GREB1: variants seen among roughly 807,000 people sequenced by gnomAD.
GREB1 encodes the protein growth regulating estrogen receptor binding 1.
In GREB1, 106 loss-of-function variants were observed where a neutral mutation model predicts 200.7. That is an observed-to-expected ratio of 0.53 (90% CI 0.45 to 0.62). The LOEUF (loss-of-function observed/expected upper bound fraction) is 0.62. Ranked by LOEUF, GREB1 falls within the 20% of genes least tolerant of loss-of-function variation. The probability of loss-of-function intolerance (pLI) is 0.00; values close to 1 mark genes in which losing one functional copy is unlikely to be tolerated. For synonymous variants in GREB1, 1,132 were observed against 1,092.4 expected, an observed-to-expected ratio of 1.04 and a Z score of -0.72; for missense variants, 2,243 against 2,556.8, an observed-to-expected ratio of 0.88 and a Z score of 2.65.
chr2:11,599,558 C>T (rs1247914091), intron 15 of GREB1, among the ~76,000 whole-genome samples: 6 of 143,160 alleles, frequency 4.2e-5, no homozygotes, highest in Admixed American at 7.0e-5. Context: ...CTCTCTCTGT[C>T]GCCCAGGCTT....
rs1679342405 is a variant in GREB1 at position 11,580,342 on chromosome 2, C to G, written c.773-362C>G. 2.6e-5 allele frequency among the ~76,000 whole-genome samples: 4 copies of G among 152,170 alleles called. No homozygotes were observed. The highest frequency in any genetic ancestry group is 2.6e-4 in the Admixed American group (4 of 15,274). ...GAATTCAGGAAGTCCCCCGGTCCTT[C>G]TTTAACTCAGGCTGTGTGTCCAATG... On this transcript the variant is annotated intron_variant, in intron 6 of 32. Transcript: ENST00000381486. The surrounding 1 kb of genome is among the most constrained non-coding windows in gnomAD (Gnocchi z 4.5).
At chr2:11,513,280 GCGT>G (rs1188545177) in intron 1 of GREB1, among the ~76,000 whole-genome samples, 1 of 152,150 alleles carries the variant, frequency 6.6e-6, no homozygotes, top group Non-Finnish European at 1.5e-5. Context: ...AGGCGGGTGG[GCGT>G]CTCTCCCTTG....
chr2:11,592,707 C>A, intron 10 of GREB1, 69 bp from the exon 11 acceptor site: 1 of 1,037,814 alleles, frequency 9.6e-7, no homozygotes, highest in Non-Finnish European at 1.3e-6. Context: ...ACTTTCACAT[C>A]ACTGCACCCG....
chr2:11,550,797 T>G (rs1675741284), intron 1 of GREB1, among the ~76,000 whole-genome samples: 1 of 152,232 alleles, frequency 6.6e-6, no homozygotes, highest in Non-Finnish European at 1.5e-5. Flanking sequence ...CTTTGGGTCC[T>G]TATACCTGCA....
intron 5 of GREB1, among the ~76,000 whole-genome samples, chr2:11,577,540 CCA>C (rs1457160256): frequency 6.6e-6 from 1 of 152,238 alleles, no homozygotes; most frequent in Non-Finnish European, 1.5e-5. Flanking sequence ...CCCTTCATGG[CCA>C]CAGTCAGCAA....
intron 2 of GREB1, 50 bp downstream of exon 2, chr2:11,556,821 G>C (rs1408303765): frequency 7.1e-7 from 1 of 1,399,862 alleles, no homozygotes. Context: ...ATTGTGCGCA[G>C]TTAATGTTAG....
intron 19 of GREB1, among the ~76,000 whole-genome samples, chr2:11,613,422 A>G (rs1683113252): frequency 6.6e-6 from 1 of 152,074 alleles, no homozygotes; most frequent in Admixed American, 6.5e-5. Flanking sequence ...GTTTTATTTC[A>G]TTTTACTCTC....
Position 11,578,289 on chromosome 2 carries a change from C to G in GREB1, c.638-8C>G. Reference sequence around the variant, plus strand: ...GTTGGTTTTCACGTGTGCACCTTGCCCCCTTAGAGTTTAGAAGCCGGCAGA... The same window carrying G: ...GTTGGTTTTCACGTGTGCACCTTGCGCCCTTAGAGTTTAGAAGCCGGCAGA... On this transcript the variant is annotated splice_polypyrimidine_tract_variant and splice_region_variant and intron_variant, in intron 5 of 32. Transcript: ENST00000381486. 1 of 1,608,768 alleles carries G rather than the reference C, an allele frequency of 6.2e-7. No individual in the cohort carries two copies. Among genetic ancestry groups the G allele is most frequent in the Non-Finnish European group, 8.5e-7 (1 of 1,175,852 alleles).
chr2:11,491,180 C>T (rs908277947), intron 1 of GREB1, among the ~76,000 whole-genome samples: 22 of 152,184 alleles, frequency 1.4e-4, no homozygotes, highest in Admixed American at 3.3e-4. Context: ...TTCCTACTTA[C>T]ATTATATTCT....
intron 2 of GREB1, among the ~76,000 whole-genome samples, chr2:11,557,977 C>T (rs1359952225): frequency 1.3e-5 from 2 of 152,156 alleles, no homozygotes; most frequent in Non-Finnish European, 2.9e-5. Flanking sequence ...CCTGGTCATC[C>T]TCTACATCTA....
chr2:11,631,825 G>A, intron 26 of GREB1, 84 bp from the exon 27 acceptor site: 1 of 1,061,772 alleles, frequency 9.4e-7, no homozygotes, highest in Non-Finnish European at 1.4e-6. Context: ...TTCTTTGACG[G>A]AAAATACTGC....
At chr2:11,630,130 T>TCA in intron 26 of GREB1, 21 bp downstream of exon 26, 1 of 1,613,340 alleles carries the variant, frequency 6.2e-7, no homozygotes, top group East Asian at 2.2e-5. Context: ...AGAGACCTAG[T>TCA]GGGACAGATC....
Position 11,629,229 on chromosome 2 carries a change from C to T in GREB1, c.4450-719C>T, listed in dbSNP as rs1373391471. On this transcript the variant is annotated intron_variant, in intron 25 of 32. Transcript: ENST00000381486. The surrounding 1 kb of genome is among the most constrained non-coding windows in gnomAD (Gnocchi z 5.2). ...AGGAGGGGATGTCAGTAGGAAGGGC[C>T]GTGGGTCGGTGGGGTCGTAAGAGGA... Among the ~76,000 whole-genome samples, 1 of 152,010 alleles carries T rather than the reference C, an allele frequency of 6.6e-6. No homozygotes were observed. The highest frequency in any genetic ancestry group is 1.5e-5 in the Non-Finnish European group (1 of 68,010).
intron 1 of GREB1, among the ~76,000 whole-genome samples, chr2:11,522,053 G>A (rs566583619): frequency 1.3e-5 from 2 of 152,298 alleles, no homozygotes; most frequent in African/African-American, 2.4e-5. Context: ...CCTGGTAGAC[G>A]AAGAGGAGCA....
At position 11,571,207 on chromosome 2, in the gene GREB1, T is replaced by C. The variant is rs182813587; in HGVS notation, c.454+4551T>C. 5.5e-3 allele frequency among the ~76,000 whole-genome samples: 833 copies of C among 152,332 alleles called. 8 individuals carry two copies. Among genetic ancestry groups the C allele is most frequent in the South Asian group, 7.7e-3 (37 of 4,822 alleles). On this transcript the variant is annotated intron_variant, in intron 4 of 32. Coordinates refer to ENST00000381486, the MANE Select transcript of GREB1 (RefSeq NM_014668.4). The stretch of plus-strand genomic sequence containing the variant: ...TATTTTTGTCCCAAGTAACTGTTTA[T>C]TTTCAGGCACGGGGAGGGTGGTCAT...
At position 11,566,576 on chromosome 2, in the gene GREB1, C is replaced by T. The variant is rs769469037; in HGVS notation, c.374C>T (p.Pro125Leu). The T allele has an allele frequency of 1.2e-6, 2 of 1,614,022 alleles. No homozygotes were observed. Among genetic ancestry groups the T allele is most frequent in the Admixed American group, 1.7e-5 (1 of 59,992 alleles). Residue 125 changes from proline (P) to leucine (L), a missense_variant, in exon 4 of 33, where the codon CCC becomes CTC. By Grantham distance (98) the Pro-to-Leu change is moderately conservative. This residue lies in a region of GREB1 where 1,178 missense variants were observed against 1,387.4 expected (regional missense o/e 0.85). Coordinates refer to ENST00000381486, the MANE Select transcript of GREB1 (RefSeq NM_014668.4). ...AGFLLVGVKS[P>L]SLPDHLLVCA... ...TTTCTCCTCGTGGGGGTCAAGTCCCCCAGCCTGCCGGACCATCTCCTGGTG... is the reference window on the plus strand; with the variant it reads ...TTTCTCCTCGTGGGGGTCAAGTCCCTCAGCCTGCCGGACCATCTCCTGGTG...
At chr2:11,527,942 A>G (rs538831787) in intron 1 of GREB1, among the ~76,000 whole-genome samples, 3 of 152,208 alleles carry the variant, frequency 2.0e-5, no homozygotes, top group Admixed American at 6.5e-5. Flanking sequence ...AAGTCCCTTA[A>G]TTTCCTTTCC....
chr2:11,619,009 C>A, intron 22 of GREB1, 90 bp downstream of exon 22: 1 of 1,204,900 alleles, frequency 8.3e-7, no homozygotes, highest in Non-Finnish European at 1.1e-6. Flanking sequence ...TGACCGCACC[C>A]ACGTCTTCAC....
At chr2:11,636,714 A>AGGCAGGGGCAAG (rs1685341641) in intron 30 of GREB1, among the ~76,000 whole-genome samples, 1 of 150,420 alleles carries the variant, frequency 6.6e-6, no homozygotes, top group African/African-American at 2.4e-5. Context: ...CCACGTGCCC[A>AGGCAGGGGCAAG]GGCAGGGGCA....
Sources: allele counts gnomAD v4.1 joint callset (sites outside exome capture counted in the v4.1 genomes callset), GRCh38; gene constraint gnomAD v4.1.1; regional missense constraint gnomAD v4.1.1; non-coding constraint Gnocchi (gnomAD v3.1); transcripts MANE v1.5; gene names NCBI Gene and HGNC (gene_info 2026-07-23, HGNC 2026-07-21).